The following CES3 variants were observed in gnomAD, a reference collection of about 807,000 sequenced individuals.
CES3 encodes the protein carboxylesterase 3 (brain).
CES3 carries 49 observed loss-of-function variants against 57.6 expected under a neutral mutation model. That is an observed-to-expected ratio of 0.85 (90% CI 0.68 to 1.08). The LOEUF (loss-of-function observed/expected upper bound fraction) is 1.08. Ranked by LOEUF, CES3 falls within the 50% of genes least tolerant of loss-of-function variation. The probability of loss-of-function intolerance (pLI) is 0.00; values close to 1 mark genes in which losing one functional copy is unlikely to be tolerated. For synonymous variants in CES3, 266 were observed against 281.6 expected (o/e 0.94, Z 0.55); for missense variants, 645 against 742.0 (o/e 0.87, Z 1.52).
intron 6 of CES3, 119 bp from the exon 7 acceptor site, chr16:66,966,125 C>G: frequency 1.1e-6 from 1 of 871,542 alleles, no homozygotes; most frequent in Non-Finnish European, 1.8e-6. Flanking sequence ...AGTCTCGAGG[C>G]CGATCTGTGA....
At chr16:66,969,153 C>T (rs530616581) in intron 8 of CES3, among the ~76,000 whole-genome samples, 1 of 152,342 alleles carries the variant, frequency 6.6e-6, no homozygotes, top group South Asian at 2.1e-4. Flanking sequence ...TGCCTTTAAT[C>T]CCAGCACTTT....
At chr16:66,969,604 C>T in intron 8 of CES3, 75 bp from the exon 9 acceptor site, 1 of 1,444,374 alleles carries the variant, frequency 6.9e-7, no homozygotes, top group Non-Finnish European at 9.6e-7. Flanking sequence ...ACCGTGAACA[C>T]TCTCTTGCCC....
At chr16:66,972,636 C>G (rs147092070) in intron 11 of CES3, 32 bp from the exon 12 acceptor site, 154 of 1,614,050 alleles carry the variant, frequency 9.5e-5, no homozygotes, top group Admixed American at 2.0e-4. Context: ...CCACCTGACT[C>G]TCGTTCAGTT....
In CES3 at chr16:66,961,270, C is replaced by T; in HGVS notation, c.-38C>T. 6.4e-7 allele frequency: 1 copy of T among 1,553,284 alleles called. No individual in the cohort carries two copies. The highest frequency in any genetic ancestry group is 8.9e-7 in the Non-Finnish European group (1 of 1,127,036). On this transcript the variant is annotated 5_prime_UTR_variant, in exon 1 of 13. Coordinates refer to ENST00000303334, the MANE Select transcript of CES3 (RefSeq NM_024922.6). ...GTGCTGAAGGGCAGGGATCTTATTCCACCTTCTGAAGCTTCTGTCGAACCA... is the reference window on the plus strand; with the variant it reads ...GTGCTGAAGGGCAGGGATCTTATTCTACCTTCTGAAGCTTCTGTCGAACCA...
In CES3 at chr16:66,963,111, TTG is replaced by T. The variant is rs777797641; in HGVS notation, c.83-66_83-65del. ...TAAGTACTGAGAACAGCCTGAGGGTTTGTCTTTCACTCCTTCCCCTCATGGGG... is the reference window on the plus strand; with the variant it reads ...TAAGTACTGAGAACAGCCTGAGGGTTTCTTTCACTCCTTCCCCTCATGGGG... On this transcript the variant is annotated intron_variant, in intron 1 of 12. Coordinates refer to ENST00000303334, the MANE Select transcript of CES3 (RefSeq NM_024922.6). This position sits in a 1 kb window ranked among gnomAD's most constrained non-coding sequence, Gnocchi z 4.9. 1 of 1,506,134 alleles carries T rather than the reference TTG, an allele frequency of 6.6e-7. No homozygotes were observed. The highest frequency in any genetic ancestry group is 1.1e-5 in the South Asian group (1 of 88,744). The allele number at this position is 1,506,134 out of a possible 1,614,324, so 93.3% of individuals were successfully genotyped here. A position where few individuals can be genotyped will look rare whatever the true frequency, so the allele number is the denominator to read the frequency against.
rs1351487736 is a variant in CES3, at chr16:66,973,441, G to A, written c.*392G>A. ...GTCTGTGTCTGTCTCCCCCTCAGAG[G>A]AGCTCTCTCAAAATGGGGATTAGCC... On this transcript the variant is annotated 3_prime_UTR_variant, in exon 13 of 13. Coordinates refer to ENST00000303334, the MANE Select transcript of CES3 (RefSeq NM_024922.6). 5.6e-6 allele frequency: 1 copy of A among 177,392 alleles called. No homozygotes were observed. Among genetic ancestry groups the A allele is most frequent in the African/African-American group, 2.4e-5 (1 of 42,322 alleles). 11.0% of individuals were successfully genotyped at this position (177,392 alleles called of 1,614,324 possible). A position where few individuals can be genotyped will look rare whatever the true frequency, so the allele number is the denominator to read the frequency against.
chr16:66,961,794 C>A (rs918744946), intron 1 of CES3, among the ~76,000 whole-genome samples: 6 of 152,270 alleles, frequency 3.9e-5, no homozygotes, highest in Admixed American at 2.0e-4. Flanking sequence ...AAACTCCTGA[C>A]CTCAGGTGAC....
Position 66,975,080 on chromosome 16 carries a change from C to T in CES3, c.*2031C>T, listed in dbSNP as rs919958039. 3 of 152,260 alleles carry T rather than the reference C, an allele frequency of 2.0e-5. No individual in the cohort carries two copies. Among genetic ancestry groups the T allele is most frequent in the Non-Finnish European group, 4.4e-5 (3 of 68,110 alleles). 9.4% of individuals were successfully genotyped at this position (152,260 alleles called of 1,614,324 possible). The stretch of plus-strand genomic sequence containing the variant: ...TGCCTGAGCCAGCAGTGACAACCCC[C>T]CTCGGGTCCCCTCCCACGCCGTGGA... On this transcript the variant is annotated 3_prime_UTR_variant, in exon 13 of 13. Transcript: ENST00000303334.
At chr16:66,969,180 C>T (rs1416747658) in intron 8 of CES3, among the ~76,000 whole-genome samples, 2 of 152,110 alleles carry the variant, frequency 1.3e-5, no homozygotes, top group African/African-American at 4.8e-5. Context: ...CCAAGGCAGG[C>T]GGATCACTCA....
In CES3 at chr16:66,973,848, A is replaced by G. The variant is rs1229663042; in HGVS notation, c.*799A>G. 2 of 152,208 alleles carry G rather than the reference A, an allele frequency of 1.3e-5. No homozygotes were observed. The highest frequency in any genetic ancestry group is 2.9e-5 in the Non-Finnish European group (2 of 68,154). 9.4% of individuals were successfully genotyped at this position (152,208 alleles called of 1,614,324 possible). A position where few individuals can be genotyped will look rare whatever the true frequency, so the allele number is the denominator to read the frequency against. On this transcript the variant is annotated 3_prime_UTR_variant, in exon 13 of 13. Transcript: ENST00000303334. ...TGTCACCCAGACCTGACCCTCACCA[A>G]TTCCAGCCCTGACCCTCAGGACGCT...
chr16:66,973,319 G>A lies in CES3; in HGVS notation c.*270G>A, dbSNP rs1963876279. The A allele has an allele frequency of 2.6e-6, 1 of 387,072 alleles. No individual in the cohort carries two copies. The highest frequency in any genetic ancestry group is 4.8e-6 in the Non-Finnish European group (1 of 210,256). 24.0% of individuals were successfully genotyped at this position (387,072 alleles called of 1,614,324 possible). A position where few individuals can be genotyped will look rare whatever the true frequency, so the allele number is the denominator to read the frequency against. On this transcript the variant is annotated 3_prime_UTR_variant, in exon 13 of 13. Coordinates refer to ENST00000303334, the MANE Select transcript of CES3 (RefSeq NM_024922.6). ...TAGCACATTCCTCTAGCTTCCTGGA[G>A]GACTCACTCCCCCAGGAAGCCTTCC...
intron 9 of CES3, among the ~76,000 whole-genome samples, chr16:66,970,493 G>A (rs1460681738): frequency 1.3e-5 from 2 of 152,242 alleles, no homozygotes; most frequent in Non-Finnish European, 2.9e-5. Context: ...TGGGGAAGGG[G>A]CAGAGGCAGA....
chr16:66,971,371 C>T, intron 10 of CES3, 52 bp downstream of exon 10: 1 of 1,583,176 alleles, frequency 6.3e-7, no homozygotes, highest in Non-Finnish European at 8.6e-7. Context: ...GGCCCAGGAG[C>T]TGGGTCATCA....
intron 8 of CES3, among the ~76,000 whole-genome samples, chr16:66,968,146 G>A (rs777058819): frequency 7.9e-5 from 12 of 152,044 alleles, no homozygotes; most frequent in Non-Finnish European, 1.3e-4. Flanking sequence ...GCATCTTCTA[G>A]TTTTTTTGTT....
At position 66,963,908 on chromosome 16, in the gene CES3, A is replaced by G. The variant is rs756980055; in HGVS notation, c.533A>G (p.Tyr178Cys). 1 of 1,613,944 alleles carries G rather than the reference A, an allele frequency of 6.2e-7. No homozygotes were observed. The highest frequency in any genetic ancestry group is 1.1e-5 in the South Asian group (1 of 91,078). The change falls in exon 4 of 13, where the codon TAC becomes TGC. Residue 178 changes from tyrosine to cysteine, a missense_variant. By Grantham distance (194) the Tyr-to-Cys change is radical. Transcript: ENST00000303334. The surrounding 1 kb of genome is among the most constrained non-coding windows in gnomAD (Gnocchi z 4.9). ...GATGTGGTCGTGGTTACAGTCCAGT[A>G]CCGCCTTGGGGTCCTTGGCTTCTTC... The part of the protein sequence containing the change: ...YGDVVVVTVQ[Y>C]RLGVLGFFST...
chr16:66,974,651 G>C lies in CES3; in HGVS notation c.*1602G>C, dbSNP rs1008460075. The C allele has an allele frequency of 6.5e-6, 1 of 154,496 alleles. No individual in the cohort carries two copies. Among genetic ancestry groups the C allele is most frequent in the African/African-American group, 2.4e-5 (1 of 41,512 alleles). 9.6% of individuals were successfully genotyped at this position (154,496 alleles called of 1,614,324 possible). A position where few individuals can be genotyped will look rare whatever the true frequency, so the allele number is the denominator to read the frequency against. Reference sequence around the variant, plus strand: ...GGACTGGCAGGCAGCTCCACCTGCTGCCCCAGTGCTGGATCCACTGGGTGA... The same window carrying C: ...GGACTGGCAGGCAGCTCCACCTGCTCCCCCAGTGCTGGATCCACTGGGTGA... On this transcript the variant is annotated 3_prime_UTR_variant, in exon 13 of 13. Transcript: ENST00000303334.
rs1963800131 is a variant in CES3 at position 66,969,837 on chromosome 16, TCTGCCC to T, written c.1143+81_1143+86del. ...GGGTATCCCATCCAACAGCACAGTC[TCTGCCC>T]CTACCTTCCGACACCCACAGCTACC... On this transcript the variant is annotated intron_variant, in intron 9 of 12. Transcript: ENST00000303334. 6 of 1,311,772 alleles carry T rather than the reference TCTGCCC, an allele frequency of 4.6e-6. No homozygotes were observed. In the Admixed American group the frequency reaches 1.2e-4, roughly 26 times the overall value. The allele number at this position is 1,311,772 out of a possible 1,614,324, so 81.3% of individuals were successfully genotyped here.
intron 8 of CES3, 139 bp from the exon 9 acceptor site, chr16:66,969,540 G>A: frequency 1.4e-6 from 1 of 728,858 alleles, no homozygotes; most frequent in South Asian, 1.8e-5. Flanking sequence ...TGGATCTGTG[G>A]ACTTTTCGGC....
intron 8 of CES3, among the ~76,000 whole-genome samples, chr16:66,969,274 T>C (rs1414534939): frequency 1.3e-5 from 2 of 152,066 alleles, no homozygotes; most frequent in Non-Finnish European, 2.9e-5. Context: ...GGCACGGTGG[T>C]GCACGTCTGC....
Sources: allele counts gnomAD v4.1 joint callset (sites outside exome capture counted in the v4.1 genomes callset), GRCh38; gene constraint gnomAD v4.1.1; non-coding constraint Gnocchi (gnomAD v3.1); transcripts MANE v1.5; gene names NCBI Gene and HGNC (gene_info 2026-07-23, HGNC 2026-07-21).